The following PGBD5 variants were observed in gnomAD, a reference collection of about 807,000 sequenced individuals.
The protein encoded by PGBD5 is piggyBac transposable element derived 5.
In PGBD5, 14 loss-of-function variants were observed where a neutral mutation model predicts 47.9. The observed-to-expected ratio is 0.29, with a 90% CI of 0.19 to 0.46. The LOEUF (loss-of-function observed/expected upper bound fraction) is 0.46. Ranked by LOEUF, PGBD5 falls within the 20% of genes least tolerant of loss-of-function variation. The pLI is 1.00. For synonymous variants in PGBD5, 316 were observed against 306.3 expected (o/e 1.03, Z -0.33); for missense variants, 635 against 716.0 (o/e 0.89, Z 1.29).
At chr1:230,327,615 C>G (rs566210434) in intron 5 of PGBD5, among the ~76,000 whole-genome samples, 1 of 152,232 alleles carries the variant, frequency 6.6e-6, no homozygotes, top group African/African-American at 2.4e-5. Context: ...TCCTCCTGGC[C>G]GGAAGACTAT....
chr1:230,365,184 G>A (rs1667808009), intron 1 of PGBD5, among the ~76,000 whole-genome samples: 3 of 149,056 alleles, frequency 2.0e-5, no homozygotes, highest in African/African-American at 7.4e-5. Flanking sequence ...GTGGTGGCGG[G>A]CACCTGTAGT....
At chr1:230,346,710 AC>A (rs1488953152) in intron 3 of PGBD5, among the ~76,000 whole-genome samples, 1 of 151,928 alleles carries the variant, frequency 6.6e-6, no homozygotes, top group African/African-American at 2.4e-5. Flanking sequence ...CACACCACAT[AC>A]CCTACTGTAT....
At chr1:230,356,863 G>A (rs1349987680) in intron 2 of PGBD5, 31 bp downstream of exon 2, 7 of 1,596,118 alleles carry the variant, frequency 4.4e-6, no homozygotes, top group Admixed American at 1.7e-5. Flanking sequence ...AGGACACCTG[G>A]ACAAGCTCTT....
At chr1:230,402,947 C>T (rs1387000647) in intron 1 of PGBD5, among the ~76,000 whole-genome samples, 2 of 152,206 alleles carry the variant, frequency 1.3e-5, no homozygotes, top group Non-Finnish European at 2.9e-5. Context: ...TTAATGGATC[C>T]TTGTCTTCAT....
chr1:230,390,902 G>C (rs563716558), intron 1 of PGBD5, among the ~76,000 whole-genome samples: 6 of 152,230 alleles, frequency 3.9e-5, no homozygotes, highest in African/African-American at 1.4e-4. Context: ...ACCACAGCCA[G>C]CTAATTTTTG....
chr1:230,392,393 C>T (rs1656807117), intron 1 of PGBD5, among the ~76,000 whole-genome samples: 3 of 152,210 alleles, frequency 2.0e-5, no homozygotes, highest in Admixed American at 2.0e-4. Context: ...GCCCGAGGCC[C>T]GGCTGATGAG....
At chr1:230,400,877 T>C (rs1369653558) in intron 1 of PGBD5, among the ~76,000 whole-genome samples, 1 of 152,236 alleles carries the variant, frequency 6.6e-6, no homozygotes, top group Non-Finnish European at 1.5e-5. Context: ...AATTCAATGT[T>C]CACAACTGCC....
At chr1:230,416,042 T>C (rs1389870084) in intron 1 of PGBD5, among the ~76,000 whole-genome samples, 2 of 152,236 alleles carry the variant, frequency 1.3e-5, no homozygotes, top group Admixed American at 6.5e-5. Flanking sequence ...GTAAGTGATA[T>C]ACAAGCATTT....
In PGBD5 at chr1:230,425,436, A is replaced by T. The variant is rs1197716394; in HGVS notation, c.331+162T>A. ...CACCCACGGGTTCGGAGCCCCCAGG[A>T]GCAGTCAGACCGATCACCGCTCCTG... is the stretch of plus-strand genomic sequence containing the variant. On this transcript the variant is annotated intron_variant, in intron 1 of 6. Coordinates refer to ENST00000391860, the MANE Select transcript of PGBD5 (RefSeq NM_001258311.2). This position sits in a 1 kb window ranked among gnomAD's most constrained non-coding sequence, Gnocchi z 4.7. 6.6e-6 allele frequency among the ~76,000 whole-genome samples: 1 copy of T among 152,060 alleles called. No individual in the cohort carries two copies. Among genetic ancestry groups the T allele is most frequent in the Non-Finnish European group, 1.5e-5 (1 of 67,994 alleles).
At chr1:230,334,870 C>T (rs969966255) in intron 4 of PGBD5, among the ~76,000 whole-genome samples, 1 of 152,160 alleles carries the variant, frequency 6.6e-6, no homozygotes, top group Non-Finnish European at 1.5e-5. Flanking sequence ...GATTCTTTTC[C>T]CATCCTCCTA....
intron 1 of PGBD5, among the ~76,000 whole-genome samples, chr1:230,406,194 G>C (rs1309724190): frequency 6.6e-6 from 1 of 151,578 alleles, no homozygotes; most frequent in Non-Finnish European, 1.5e-5. Context: ...TGTAGTCCCA[G>C]CTACTCGGGA....
intron 1 of PGBD5, among the ~76,000 whole-genome samples, chr1:230,379,608 C>T (rs1323401054): frequency 1.3e-5 from 2 of 152,252 alleles, no homozygotes; most frequent in African/African-American, 4.8e-5. Context: ...CTTCAGGCCT[C>T]CTTGCTCTTG....
At chr1:230,391,434 G>C (rs1486186162) in intron 1 of PGBD5, among the ~76,000 whole-genome samples, 1 of 152,184 alleles carries the variant, frequency 6.6e-6, no homozygotes, top group Non-Finnish European at 1.5e-5. Flanking sequence ...TTTACGGATA[G>C]AGAATTTCTC....
chr1:230,398,829 C>A (rs377429241), intron 1 of PGBD5, among the ~76,000 whole-genome samples: 2 of 152,150 alleles, frequency 1.3e-5, no homozygotes, highest in Admixed American at 6.5e-5. Context: ...AGGGCCTGCA[C>A]TGTCACATCG....
chr1:230,388,704 C>T (rs754119930), intron 1 of PGBD5, among the ~76,000 whole-genome samples: 19 of 152,154 alleles, frequency 1.2e-4, no homozygotes, highest in African/African-American at 3.4e-4. Flanking sequence ...CGTGAGCCAC[C>T]GCACCCGGCC....
Position 230,358,159 on chromosome 1 carries a change from C to T in PGBD5, c.332-838G>A, listed in dbSNP as rs1424811381. On this transcript the variant is annotated intron_variant, in intron 1 of 6. Transcript: ENST00000391860. The stretch of plus-strand genomic sequence containing the variant: ...AGTGCACAGCCCCTCCTGTCTCCCG[C>T]CACGCCATCACACAGGGCTCCTCCC... 2.6e-5 allele frequency among the ~76,000 whole-genome samples: 4 copies of T among 152,262 alleles called. No individual in the cohort carries two copies. In the East Asian group the frequency reaches 5.8e-4, roughly 22 times the overall value.
rs1249562880 is a variant in PGBD5, at chr1:230,332,953, C to T, written c.1164G>A (p.Pro388=). The change falls in exon 5 of 7, where the codon CCG becomes CCA. Residue 388 remains proline, a synonymous_variant. Transcript: ENST00000391860. ...LSMLTNPATP[P]ARGQYQIKMK... is the part of the protein sequence containing the mutation. ...TCTTGATTTGGTACTGGCCCCGGGC[C>T]GGGGGTGTGGCTGGGTTGGTCAGCA... is the stretch of plus-strand genomic sequence containing the variant. The T allele has an allele frequency of 6.2e-7, 1 of 1,614,124 alleles. No homozygotes were observed. Among genetic ancestry groups the T allele is most frequent in the Middle Eastern group, 1.6e-4 (1 of 6,062 alleles).
intron 3 of PGBD5, among the ~76,000 whole-genome samples, chr1:230,340,041 C>T (rs963371421): frequency 6.6e-6 from 1 of 152,070 alleles, no homozygotes; most frequent in Non-Finnish European, 1.5e-5. Context: ...TGTCAGTTGG[C>T]TCGATTTGGC....
Position 230,425,508 on chromosome 1 carries a change from G to C in PGBD5, c.331+90C>G. ...AGACACCCACAAGCCAGCCCACGGA[G>C]AGTCTGGACTCGCCCGCCCCAGCAC... On this transcript the variant is annotated intron_variant, in intron 1 of 6. Transcript: ENST00000391860. The surrounding 1 kb of genome is among the most constrained non-coding windows in gnomAD (Gnocchi z 4.7). 1 of 973,140 alleles carries C rather than the reference G, an allele frequency of 1.0e-6. No homozygotes were observed. Among genetic ancestry groups the C allele is most frequent in the Non-Finnish European group, 1.3e-6 (1 of 759,584 alleles). The allele number at this position is 973,140 out of a possible 1,614,324, so 60.3% of individuals were successfully genotyped here.
Sources: allele counts gnomAD v4.1 joint callset (sites outside exome capture counted in the v4.1 genomes callset), GRCh38; gene constraint gnomAD v4.1.1; non-coding constraint Gnocchi (gnomAD v3.1); transcripts MANE v1.5; gene names NCBI Gene and HGNC (gene_info 2026-07-23, HGNC 2026-07-21).